The following NAT14 variants were observed in gnomAD, a reference collection of about 807,000 sequenced individuals.
NAT14 encodes probable N-acetyltransferase 14.
Under a neutral mutation model 12.1 loss-of-function variants are expected in NAT14, and 14 were observed. The ratio of observed to expected loss-of-function variants is 1.16; its 90% CI spans 0.76 to 1.81. NAT14 has a LOEUF of 1.81. Among genes scored for constraint, NAT14 ranks in the 40% most tolerant of loss-of-function variants. NAT14 has a pLI of 0.00. For missense variants in NAT14, 341 were observed against 304.3 expected, an observed-to-expected ratio of 1.12 and a Z score of -0.90; for synonymous variants, 156 against 145.1, an observed-to-expected ratio of 1.08 and a Z score of -0.54.
chr19:55,486,282 A>T (rs1986909526), intron 2 of NAT14, 126 bp from the exon 3 acceptor site: 5 of 1,289,372 alleles, frequency 3.9e-6, no homozygotes, highest in East Asian at 5.8e-5. Context: ...CACACTGAAC[A>T]TCGGACTGTG....
At position 55,487,079 on chromosome 19, in the gene NAT14, G is replaced by A; in HGVS notation, c.*123G>A. The A allele has an allele frequency of 7.2e-7, 1 of 1,393,400 alleles. No individual in the cohort carries two copies. Among genetic ancestry groups the A allele is most frequent in the Non-Finnish European group, 9.3e-7 (1 of 1,069,944 alleles). The allele number at this position is 1,393,400 out of a possible 1,614,324, so 86.3% of individuals were successfully genotyped here. On this transcript the variant is annotated 3_prime_UTR_variant, in exon 3 of 3. Transcript: ENST00000205194. ...TGAGTCCTCAACCACCCTGGGCCCA[G>A]AAACAGAGGCCTGCCGAGGGGAGGA...
intron 2 of NAT14, chr19:55,486,145 C>G: frequency 1.7e-6 from 1 of 574,228 alleles, no homozygotes; most frequent in Admixed American, 3.2e-5. Flanking sequence ...GAGGCAACCT[C>G]CCTGTCCTTA....
rs943554643 is a variant in NAT14 at position 55,486,741 on chromosome 19, C to T, written c.406C>T (p.Arg136Cys). The T allele has an allele frequency of 1.4e-6, 2 of 1,414,042 alleles. No homozygotes were observed. The highest frequency in any genetic ancestry group is 3.3e-5 in the Admixed American group (1 of 30,762). The allele number at this position is 1,414,042 out of a possible 1,614,324, so 87.6% of individuals were successfully genotyped here. ...TRLSVSRWHRRRGVGRRLLAF... is the reference protein window; with the variant it reads ...TRLSVSRWHRCRGVGRRLLAF... ...CCTGTCTGTCTCTCGCTGGCACCGC[C>T]GCCGGGGCGTGGGCAGGAGGCTGCT... The change falls in exon 3 of 3, where the codon CGC becomes TGC. Residue 136 changes from arginine to cysteine, a missense_variant. Arg to Cys is a radical substitution (Grantham distance 180). Coordinates refer to ENST00000205194, the MANE Select transcript of NAT14 (RefSeq NM_020378.4).
chr19:55,487,538 C>T lies in NAT14; in HGVS notation c.*582C>T, dbSNP rs1050910423. The T allele has an allele frequency of 1.8e-5, 7 of 391,430 alleles. No individual in the cohort carries two copies. The highest frequency in any genetic ancestry group is 1.1e-4 in the East Asian group (3 of 27,666). 24.2% of individuals were successfully genotyped at this position (391,430 alleles called of 1,614,324 possible). On this transcript the variant is annotated 3_prime_UTR_variant, in exon 3 of 3. Transcript: ENST00000205194. ...TCCTCCAGATCCGTCTGGTTTTTTACACCGTTTGTTAATAAAGCCTGAAAC... is the reference window on the plus strand; with the variant it reads ...TCCTCCAGATCCGTCTGGTTTTTTATACCGTTTGTTAATAAAGCCTGAAAC...
Position 55,487,273 on chromosome 19 carries a change from CAA to C in NAT14, c.*319_*320del, listed in dbSNP as rs1459363550. Reference sequence around the variant, plus strand: ...GAGAAACCTCCCCGGGTGATGTCTGCAAAGTCTGTGCTGTCCGTGCCCCAGGC... The same window carrying C: ...GAGAAACCTCCCCGGGTGATGTCTGCAGTCTGTGCTGTCCGTGCCCCAGGC... On this transcript the variant is annotated 3_prime_UTR_variant, in exon 3 of 3. Coordinates refer to ENST00000205194, the MANE Select transcript of NAT14 (RefSeq NM_020378.4). 4 of 466,046 alleles carry C rather than the reference CAA, an allele frequency of 8.6e-6. No individual in the cohort carries two copies. The highest frequency in any genetic ancestry group is 1.5e-5 in the Non-Finnish European group (4 of 267,672). 28.9% of individuals were successfully genotyped at this position (466,046 alleles called of 1,614,324 possible).
chr19:55,485,851 C>A, intron 2 of NAT14, 71 bp downstream of exon 2: 1 of 1,190,370 alleles, frequency 8.4e-7, no homozygotes, highest in Non-Finnish European at 1.2e-6. Flanking sequence ...TTCAGCCACC[C>A]CCTCCCACCC....
In NAT14 at chr19:55,485,220, C is replaced by G. The variant is rs1986882760; in HGVS notation, c.-87C>G. 6.5e-6 allele frequency: 1 copy of G among 153,538 alleles called. No individual in the cohort carries two copies. Among genetic ancestry groups the G allele is most frequent in the South Asian group, 2.1e-4 (1 of 4,850 alleles). The allele number at this position is 153,538 out of a possible 1,614,324, so 9.5% of individuals were successfully genotyped here. ...CCCGCGACCCCCTTCCAGACCCGCT[C>G]CCGAAACCTTGTCGAAGGACCAAAG... On this transcript the variant is annotated 5_prime_UTR_variant, in exon 1 of 3. Transcript: ENST00000205194.
chr19:55,486,684 A>C lies in NAT14; in HGVS notation c.349A>C (p.Thr117Pro). 6.9e-7 allele frequency: 1 copy of C among 1,440,758 alleles called. No individual in the cohort carries two copies. The highest frequency in any genetic ancestry group is 9.0e-7 in the Non-Finnish European group (1 of 1,108,714). The allele number at this position is 1,440,758 out of a possible 1,614,324, so 89.2% of individuals were successfully genotyped here. A position where few individuals can be genotyped will look rare whatever the true frequency, so the allele number is the denominator to read the frequency against. Reference sequence around the variant, plus strand: ...TGGGGTCCTGGCTCTGGCCCCTGGCACAAATGCAGGGGACGGGGCCCGGGT... The same window carrying C: ...TGGGGTCCTGGCTCTGGCCCCTGGCCCAAATGCAGGGGACGGGGCCCGGGT... ...VCGVLALAPG[T>P]NAGDGARVTR... Residue 117 changes from threonine to proline, a missense_variant, in exon 3 of 3, where the codon ACA (threonine) becomes CCA (proline). Physicochemically the swap from Thr to Pro is conservative, Grantham distance 38. Coordinates refer to ENST00000205194, the MANE Select transcript of NAT14 (RefSeq NM_020378.4).
At chr19:55,486,358 C>T (rs1480799174) in intron 2 of NAT14, 50 bp from the exon 3 acceptor site, 27 of 1,401,116 alleles carry the variant, frequency 1.9e-5, no homozygotes, top group Non-Finnish European at 2.2e-5. Flanking sequence ...CTCTCTTTGT[C>T]CAGGAGGCCC....
At position 55,485,767 on chromosome 19, in the gene NAT14, T is replaced by A; in HGVS notation, c.59T>A (p.Leu20Gln). ...EMREDEKPLVLEMLKAGVKDT... is the reference protein window; with the variant it reads ...EMREDEKPLVQEMLKAGVKDT... ...AGGGAAGATGAGAAGCCCCTGGTGCTGGAGATGCTGAAGGTGAGAGGCAGG... is the reference window on the plus strand; with the variant it reads ...AGGGAAGATGAGAAGCCCCTGGTGCAGGAGATGCTGAAGGTGAGAGGCAGG... The change falls in exon 2 of 3, where the codon CTG (leucine) becomes CAG (glutamine). Residue 20 changes from leucine to glutamine, a missense_variant. Coordinates refer to ENST00000205194, the MANE Select transcript of NAT14 (RefSeq NM_020378.4). The A allele has an allele frequency of 6.4e-7, 1 of 1,550,542 alleles. No individual in the cohort carries two copies. Among genetic ancestry groups the A allele is most frequent in the Non-Finnish European group, 8.7e-7 (1 of 1,146,236 alleles).
Position 55,486,899 on chromosome 19 carries a change from G to T in NAT14, c.564G>T (p.Glu188Asp), listed in dbSNP as rs1271624513. 2.1e-5 allele frequency: 33 copies of T among 1,555,034 alleles called. No individual in the cohort carries two copies. Among genetic ancestry groups the T allele is most frequent in the Non-Finnish European group, 2.8e-5 (33 of 1,157,988 alleles). Reference protein sequence around the residue: ...GMLEGCGYQAEGGWGCLGYTL... With the variant: ...GMLEGCGYQADGGWGCLGYTL... ...TGGAGGGCTGTGGCTACCAGGCCGA[G>T]GGGGGCTGGGGCTGCCTGGGCTACA... The change falls in exon 3 of 3, where the codon GAG (glutamate) becomes GAT (aspartate). Residue 188 changes from glutamate to aspartate, a missense_variant. Transcript: ENST00000205194.
In NAT14 at chr19:55,486,705, C is replaced by T. The variant is rs1986928947; in HGVS notation, c.370C>T (p.Arg124Trp). 3 of 1,419,492 alleles carry T rather than the reference C, an allele frequency of 2.1e-6. No individual in the cohort carries two copies. Among genetic ancestry groups the T allele is most frequent in the Non-Finnish European group, 2.7e-6 (3 of 1,098,420 alleles). 87.9% of individuals were successfully genotyped at this position (1,419,492 alleles called of 1,614,324 possible). A position where few individuals can be genotyped will look rare whatever the true frequency, so the allele number is the denominator to read the frequency against. Residue 124 changes from arginine to tryptophan, a missense_variant, in exon 3 of 3, where the codon CGG (arginine) becomes TGG (tryptophan). By Grantham distance (101) the Arg-to-Trp change is moderately radical. Transcript: ENST00000205194. ...APGTNAGDGA[R>W]VTRLSVSRWH... ...TGGCACAAATGCAGGGGACGGGGCCCGGGTCACCCGCCTGTCTGTCTCTCG... is the reference window on the plus strand; with the variant it reads ...TGGCACAAATGCAGGGGACGGGGCCTGGGTCACCCGCCTGTCTGTCTCTCG...
chr19:55,486,458 G>A lies in NAT14; in HGVS notation c.123G>A (p.Arg41=). 1.9e-6 allele frequency: 3 copies of A among 1,540,358 alleles called. No individual in the cohort carries two copies. Among genetic ancestry groups the A allele is most frequent in the Non-Finnish European group, 1.7e-6 (2 of 1,153,412 alleles). ...ENRVALHALT[R]PPALLLLAAA... ...GCGTGGCCCTCCATGCCTTGACACG[G>A]CCGCCGGCCCTGCTCCTCCTGGCGG... Residue 41 remains arginine, a synonymous_variant, in exon 3 of 3, where the codon CGG becomes CGA. Transcript: ENST00000205194.
At position 55,486,456 on chromosome 19, in the gene NAT14, C is replaced by T. The variant is rs769022765; in HGVS notation, c.121C>T (p.Arg41Trp). Residue 41 changes from arginine to tryptophan, a missense_variant, in exon 3 of 3, where the codon CGG becomes TGG. Arg to Trp is a moderately radical substitution (Grantham distance 101). Coordinates refer to ENST00000205194, the MANE Select transcript of NAT14 (RefSeq NM_020378.4). ...CCGCGTGGCCCTCCATGCCTTGACA[C>T]GGCCGCCGGCCCTGCTCCTCCTGGC... ...ENRVALHALT[R>W]PPALLLLAAA... The T allele has an allele frequency of 5.2e-6, 8 of 1,537,030 alleles. No homozygotes were observed. The East Asian group carries it at 7.5e-5, about 14-fold the overall frequency.
chr19:55,486,128 C>G (rs1053904195), intron 2 of NAT14: 3 of 542,250 alleles, frequency 5.5e-6, no homozygotes, highest in Non-Finnish European at 9.8e-6. Context: ...AGCCTCCACT[C>G]CAGCCTGAGG....
At position 55,486,776 on chromosome 19, in the gene NAT14, G is replaced by A. The variant is rs1986933175; in HGVS notation, c.441G>A (p.Ala147=). Residue 147 remains alanine (A), a synonymous_variant, in exon 3 of 3, where the codon GCG becomes GCA. Transcript: ENST00000205194. ...RGVGRRLLAF[A]EARARAWAGG... Reference sequence around the variant, plus strand: ...TGGGCAGGAGGCTGCTGGCCTTCGCGGAGGCCCGGGCTCGGGCCTGGGCTG... The same window carrying A: ...TGGGCAGGAGGCTGCTGGCCTTCGCAGAGGCCCGGGCTCGGGCCTGGGCTG... The A allele has an allele frequency of 4.9e-6, 7 of 1,423,542 alleles. No homozygotes were observed. Among genetic ancestry groups the A allele is most frequent in the South Asian group, 4.5e-5 (3 of 67,012 alleles). The allele number at this position is 1,423,542 out of a possible 1,614,324, so 88.2% of individuals were successfully genotyped here. A position where few individuals can be genotyped will look rare whatever the true frequency, so the allele number is the denominator to read the frequency against.
In NAT14 at chr19:55,485,559, A is replaced by C. The variant is rs556498662; in HGVS notation, c.-48-102A>C. ...TCGCTTGGGGGCCCCGAGGGTTCTC[A>C]GTGTCCTGATCTGGGAAGTGCCGTT... On this transcript the variant is annotated intron_variant, in intron 1 of 2. Coordinates refer to ENST00000205194, the MANE Select transcript of NAT14 (RefSeq NM_020378.4). 20 of 630,978 alleles carry C rather than the reference A, an allele frequency of 3.2e-5. No individual in the cohort carries two copies. The East Asian group carries it at 4.7e-4, about 15-fold the overall frequency. 39.1% of individuals were successfully genotyped at this position (630,978 alleles called of 1,614,324 possible). A position where few individuals can be genotyped will look rare whatever the true frequency, so the allele number is the denominator to read the frequency against.
chr19:55,487,067 A>C lies in NAT14; in HGVS notation c.*111A>C, dbSNP rs541096519. 2.3e-5 allele frequency: 33 copies of C among 1,416,112 alleles called. No homozygotes were observed. The East Asian group carries it at 9.1e-4, about 39-fold the overall frequency. The allele number at this position is 1,416,112 out of a possible 1,614,324, so 87.7% of individuals were successfully genotyped here. ...GCTCTCCCTCAGTGAGTCCTCAACCACCCTGGGCCCAGAAACAGAGGCCTG... is the reference window on the plus strand; with the variant it reads ...GCTCTCCCTCAGTGAGTCCTCAACCCCCCTGGGCCCAGAAACAGAGGCCTG... On this transcript the variant is annotated 3_prime_UTR_variant, in exon 3 of 3. Coordinates refer to ENST00000205194, the MANE Select transcript of NAT14 (RefSeq NM_020378.4).
rs776190162 is a variant in NAT14, at chr19:55,486,467, C to T, written c.132C>T (p.Ala44=). ...TCCATGCCTTGACACGGCCGCCGGC[C>T]CTGCTCCTCCTGGCGGCGGCCAGCA... ...VALHALTRPP[A]LLLLAAASSG... Residue 44 remains alanine (A), a synonymous_variant, in exon 3 of 3, where the codon GCC becomes GCT. Coordinates refer to ENST00000205194, the MANE Select transcript of NAT14 (RefSeq NM_020378.4). 1.3e-6 allele frequency: 2 copies of T among 1,553,738 alleles called. No homozygotes were observed. Among genetic ancestry groups the T allele is most frequent in the South Asian group, 1.2e-5 (1 of 84,360 alleles).
Sources: allele counts gnomAD v4.1 joint callset, GRCh38; gene constraint gnomAD v4.1.1; transcripts MANE v1.5; gene names NCBI Gene and HGNC (gene_info 2026-07-23, HGNC 2026-07-21).